The following ARHGAP32 variants were observed in gnomAD, a reference collection of about 807,000 sequenced individuals.
The protein encoded by ARHGAP32 is rho GTPase-activating protein 32.
A neutral mutation model predicts 186.5 loss-of-function variants in ARHGAP32; 51 were observed. That is an observed-to-expected ratio of 0.27 (90% CI 0.22 to 0.35). ARHGAP32 has a LOEUF of 0.35. Among genes scored for constraint, ARHGAP32 ranks in the 10% least tolerant of loss-of-function variants. The probability of loss-of-function intolerance (pLI) is 1.00; values close to 1 mark genes in which losing one functional copy is unlikely to be tolerated. For missense variants in ARHGAP32, 2,186 were observed against 2,623.5 expected (o/e 0.83, Z 3.64); for synonymous variants, 950 against 964.3 (o/e 0.99, Z 0.27).
intron 5 of ARHGAP32, among the ~76,000 whole-genome samples, chr11:129,106,038 C>T (rs1398165524): frequency 6.6e-6 from 1 of 152,000 alleles, no homozygotes; most frequent in African/African-American, 2.4e-5. Flanking sequence ...GGTGAGGCTG[C>T]AGAGAAAAGG....
intron 2 of ARHGAP32, among the ~76,000 whole-genome samples, chr11:129,162,704 T>G (rs1054204900): frequency 1.3e-5 from 2 of 152,146 alleles, no homozygotes; most frequent in African/African-American, 4.8e-5. Flanking sequence ...GCTAATCAGT[T>G]TTTACTGCAG....
chr11:129,064,757 A>G (rs915212799), intron 8 of ARHGAP32, 84 bp downstream of exon 8: 29 of 1,028,254 alleles, frequency 2.8e-5, no homozygotes, highest in Non-Finnish European at 4.3e-5. Context: ...GAAGCTCAAT[A>G]GACATCAAAA....
intron 2 of ARHGAP32, among the ~76,000 whole-genome samples, chr11:129,125,275 T>C (rs1030514618): frequency 3.3e-5 from 5 of 152,060 alleles, no homozygotes; most frequent in African/African-American, 9.7e-5. Context: ...AATTAGGAGA[T>C]TAAAACATGT....
chr11:129,023,058 C>T (rs1005489287), intron 11 of ARHGAP32, among the ~76,000 whole-genome samples: 3 of 152,058 alleles, frequency 2.0e-5, no homozygotes, highest in East Asian at 2.0e-4. Flanking sequence ...ACTAGTGCAA[C>T]AATCCTGGAA....
intron 3 of ARHGAP32, 126 bp from the exon 4 acceptor site, chr11:129,124,055 T>A (rs1449919183): frequency 2.2e-6 from 1 of 456,198 alleles, no homozygotes; most frequent in African/African-American, 2.1e-5. Context: ...AGGTACACGA[T>A]GAATAGTCCT....
At position 129,192,221 on chromosome 11, in the gene ARHGAP32, A is replaced by C; in HGVS notation, c.-23T>G. The stretch of plus-strand genomic sequence containing the variant: ...CATCTTGTACTTAAAAAACAAAAAA[A>C]ACTAAACCTCCAGGCATGGAATAAA... On this transcript the variant is annotated 5_prime_UTR_variant, in exon 1 of 23. Coordinates refer to ENST00000682385, the MANE Select transcript of ARHGAP32 (RefSeq NM_001378024.1). 3.2e-6 allele frequency: 5 copies of C among 1,551,276 alleles called. No homozygotes were observed. The highest frequency in any genetic ancestry group is 4.4e-6 in the Non-Finnish European group (5 of 1,124,376).
At chr11:129,116,211 C>T (rs1942364811) in intron 5 of ARHGAP32, among the ~76,000 whole-genome samples, 1 of 151,962 alleles carries the variant, frequency 6.6e-6, no homozygotes, top group African/African-American at 2.4e-5. Context: ...AGTAGGAAAA[C>T]ATCTCAGACT....
chr11:129,148,859 C>G (rs1943227346), intron 2 of ARHGAP32, among the ~76,000 whole-genome samples: 1 of 152,126 alleles, frequency 6.6e-6, no homozygotes, highest in Non-Finnish European at 1.5e-5. Flanking sequence ...TATAGAACAA[C>G]AGAGGCAACC....
At chr11:129,271,136 C>T (rs1345841473) in intron 1 of ARHGAP32, among the ~76,000 whole-genome samples, 1 of 152,066 alleles carries the variant, frequency 6.6e-6, no homozygotes, top group African/African-American at 2.4e-5. Flanking sequence ...CAGAATGATA[C>T]GATCTGATTA....
chr11:129,168,088 A>G lies in ARHGAP32; in HGVS notation c.117-3661T>C, dbSNP rs77631791. Among the ~76,000 whole-genome samples the G allele has an allele frequency of 9.9e-5, 15 of 152,240 alleles. No individual in the cohort carries two copies. The East Asian group carries it at 2.7e-3, about 27-fold the overall frequency. ...AGTTGGACCCCATCTGTAAAAAAAA[A>G]TACAAAAATTAGCCAGGTGAAATGG... is the stretch of plus-strand genomic sequence containing the variant. On this transcript the variant is annotated intron_variant, in intron 1 of 22. Coordinates refer to ENST00000682385, the MANE Select transcript of ARHGAP32 (RefSeq NM_001378024.1).
upstream of ARHGAP32, among the ~76,000 whole-genome samples, chr11:129,194,345 T>A (rs997944094): frequency 2.0e-5 from 3 of 152,142 alleles, no homozygotes; most frequent in African/African-American, 4.8e-5. Flanking sequence ...ACAACCTAAC[T>A]TCCTGAGGAA....
chr11:129,061,587 A>G (rs913255754), intron 10 of ARHGAP32, among the ~76,000 whole-genome samples: 1 of 152,200 alleles, frequency 6.6e-6, no homozygotes, highest in African/African-American at 2.4e-5. Flanking sequence ...CTGATAACTG[A>G]GAGGGCTACT....
intron 1 of ARHGAP32, among the ~76,000 whole-genome samples, chr11:129,247,129 T>C (rs1591717363): frequency 6.6e-6 from 1 of 152,228 alleles, no homozygotes; most frequent in African/African-American, 2.4e-5. Flanking sequence ...GTTAATAATG[T>C]ATATTAAATG....
intron 6 of ARHGAP32, among the ~76,000 whole-genome samples, chr11:129,090,009 AT>A (rs372611242): frequency 6.6e-6 from 1 of 152,334 alleles, no homozygotes; most frequent in African/African-American, 2.4e-5. Context: ...GCCTGGCCCT[AT>A]CCTAAATACA....
chr11:128,998,303 C>A lies in ARHGAP32; in HGVS notation c.1195+16G>T. Reference sequence around the variant, plus strand: ...GTCAGAAACTCAGAGTATAAGCTTGCACATTTTATTTTTACCTTCAAAACC... The same window carrying A: ...GTCAGAAACTCAGAGTATAAGCTTGAACATTTTATTTTTACCTTCAAAACC... On this transcript the variant is annotated intron_variant, in intron 12 of 22. Coordinates refer to ENST00000682385, the MANE Select transcript of ARHGAP32 (RefSeq NM_001378024.1). The A allele has an allele frequency of 6.4e-7, 1 of 1,551,722 alleles. No individual in the cohort carries two copies. Among genetic ancestry groups the A allele is most frequent in the Non-Finnish European group, 8.7e-7 (1 of 1,145,516 alleles).
At chr11:128,985,750 G>A (rs1945844362) in intron 15 of ARHGAP32, 1 of 164,374 alleles carries the variant, frequency 6.1e-6, no homozygotes, top group Non-Finnish European at 1.3e-5. Flanking sequence ...AGGCCCTGGG[G>A]ATCTAAGGAC....
intron 11 of ARHGAP32, among the ~76,000 whole-genome samples, chr11:129,013,393 TC>T (rs2134840864): frequency 6.6e-6 from 1 of 152,268 alleles, no homozygotes; most frequent in Non-Finnish European, 1.5e-5. Context: ...CCCATCTACA[TC>T]CCAATCTGAG....
chr11:128,978,671 C>T (rs939739465), intron 19 of ARHGAP32, 99 bp downstream of exon 19: 22 of 1,260,342 alleles, frequency 1.7e-5, no homozygotes, highest in African/African-American at 9.2e-5. Context: ...ACTGTGAACA[C>T]GTTATGGAAG....
chr11:129,185,150 C>T (rs1944132812), intron 1 of ARHGAP32, among the ~76,000 whole-genome samples: 2 of 152,154 alleles, frequency 1.3e-5, no homozygotes, highest in Admixed American at 6.6e-5. Context: ...GACACATGCA[C>T]ACGTATGTTT....
Sources: gnomAD v4.1 joint callset for allele counts (sites outside exome capture counted in the v4.1 genomes callset) on GRCh38, gnomAD v4.1.1 for gene constraint, MANE v1.5 for transcripts, NCBI Gene and HGNC (gene_info 2026-07-23, HGNC 2026-07-21) for gene names.